Variants in OSBPL5 observed in about 807,000 individuals in gnomAD.
OSBPL5 encodes oxysterol binding protein like 5.
OSBPL5 carries 71 observed loss-of-function variants against 111.2 expected under a neutral mutation model. The observed-to-expected ratio is 0.64, with a 90% confidence interval of 0.53 to 0.78. The LOEUF is 0.78. OSBPL5 is among the 30% of genes least tolerant of loss of function. OSBPL5 has a pLI of 0.00. For synonymous variants in OSBPL5, 549 were observed against 513.9 expected (o/e 1.07, Z -0.93); for missense variants, 1,210 against 1,189.3 (o/e 1.02, Z -0.26).
Position 3,101,639 on chromosome 11 carries a change from T to G in OSBPL5, c.1486A>C (p.Ile496Leu). 1.2e-6 allele frequency: 2 copies of G among 1,613,954 alleles called. No homozygotes were observed. The highest frequency in any genetic ancestry group is 8.5e-7 in the Non-Finnish European group (1 of 1,179,994). ...HVSNRKDGFCISGSITAKSRF... is the reference protein window; with the variant it reads ...HVSNRKDGFCLSGSITAKSRF... ...GACTTGGCTGTGATGCTGCCACTGA[T>G]GCAGAAGCCGTCCTTCCGGTTGCTG... The change falls in exon 13 of 22, where the codon ATC (isoleucine) becomes CTC (leucine). Residue 496 changes from isoleucine (I) to leucine (L), a missense_variant. Coordinates refer to ENST00000263650, the MANE Select transcript of OSBPL5 (RefSeq NM_020896.4).
At chr11:3,135,045 C>G (rs1218945634) in intron 1 of OSBPL5, among the ~76,000 whole-genome samples, 1 of 152,250 alleles carries the variant, frequency 6.6e-6, no homozygotes, top group African/African-American at 2.4e-5. Context: ...CTGCAGGGGG[C>G]TCCTCCTTCT....
chr11:3,103,316 C>T lies in OSBPL5; in HGVS notation c.1249G>A (p.Ala417Thr). ...CGGCTGTAGGCATCCTCCTCCACCG[C>T]AGCCCTGCCATGGGGCAGGAGAACG... ...YYHADLLSRA[A>T]VEEDAYSRMK... The change falls in exon 11 of 22, where the codon GCG becomes ACG. Residue 417 changes from alanine to threonine, a missense_variant. Ala to Thr is a moderately conservative substitution (Grantham distance 58, BLOSUM62 0). Transcript: ENST00000263650. The T allele has an allele frequency of 6.2e-7, 1 of 1,604,684 alleles. No homozygotes were observed. Among genetic ancestry groups the T allele is most frequent in the Non-Finnish European group, 8.5e-7 (1 of 1,175,438 alleles).
rs1846158227 is a variant in OSBPL5 at position 3,142,516 on chromosome 11, C to G, written c.-21-13347G>C. ...GGTCAGATTTCACCCGGATGCTTAGCTCCCCTCCCTTTTTACAGATGAGGA... is the reference window on the plus strand; with the variant it reads ...GGTCAGATTTCACCCGGATGCTTAGGTCCCCTCCCTTTTTACAGATGAGGA... On this transcript the variant is annotated intron_variant, in intron 1 of 21. Transcript: ENST00000263650. The surrounding 1 kb of genome is among the most constrained non-coding windows in gnomAD (Gnocchi z 7.1). 1.3e-5 allele frequency among the ~76,000 whole-genome samples: 2 copies of G among 152,220 alleles called. No homozygotes were observed. The highest frequency in any genetic ancestry group is 1.3e-4 in the Admixed American group (2 of 15,282).
chr11:3,119,926 T>C, intron 6 of OSBPL5: 1 of 467,388 alleles, frequency 2.1e-6, no homozygotes, highest in Non-Finnish European at 3.8e-6. Context: ...GGATGCCCAA[T>C]GATGTTCGAA....
In OSBPL5 at chr11:3,092,367, G is replaced by T; in HGVS notation, c.2259+65C>A. Reference sequence around the variant, plus strand: ...GGAAGGGAGGAGTGAGGTGAGGAGCGAGGGGTGGTGGTGGCCACACGTGCA... The same window carrying T: ...GGAAGGGAGGAGTGAGGTGAGGAGCTAGGGGTGGTGGTGGCCACACGTGCA... On this transcript the variant is annotated intron_variant, in intron 19 of 21. Coordinates refer to ENST00000263650, the MANE Select transcript of OSBPL5 (RefSeq NM_020896.4). The surrounding 1 kb of genome is among the most constrained non-coding windows in gnomAD (Gnocchi z 5.4). The T allele has an allele frequency of 6.7e-7, 1 of 1,495,524 alleles. No homozygotes were observed. Among genetic ancestry groups the T allele is most frequent in the Non-Finnish European group, 8.9e-7 (1 of 1,117,496 alleles). The allele number at this position is 1,495,524 out of a possible 1,614,324, so 92.6% of individuals were successfully genotyped here.
chr11:3,145,080 C>A (rs984933433), intron 1 of OSBPL5, among the ~76,000 whole-genome samples: 4 of 152,230 alleles, frequency 2.6e-5, no homozygotes, highest in Non-Finnish European at 4.4e-5. Flanking sequence ...GGGCACTGCG[C>A]TCCCCTCAGC....
At chr11:3,134,388 G>A (rs867927846) in intron 1 of OSBPL5, among the ~76,000 whole-genome samples, 1 of 152,096 alleles carries the variant, frequency 6.6e-6, no homozygotes, top group South Asian at 2.1e-4. Context: ...CTGGGGGAGC[G>A]CCAGGTTTTG....
intron 1 of OSBPL5, among the ~76,000 whole-genome samples, chr11:3,137,483 G>A (rs1845981930): frequency 6.6e-6 from 1 of 152,238 alleles, no homozygotes; most frequent in Admixed American, 6.5e-5. Flanking sequence ...GCGGGGAGCA[G>A]GGGAGCAGGG....
At position 3,126,436 on chromosome 11, in the gene OSBPL5, C is replaced by T. The variant is rs368456254; in HGVS notation, c.219+37G>A. 54 of 1,539,964 alleles carry T rather than the reference C, an allele frequency of 3.5e-5. No homozygotes were observed. The highest frequency in any genetic ancestry group is 4.7e-5 in the Non-Finnish European group (53 of 1,138,196). On this transcript the variant is annotated intron_variant, in intron 3 of 21. Transcript: ENST00000263650. The surrounding 1 kb of genome is among the most constrained non-coding windows in gnomAD (Gnocchi z 6.5). ...GTTTCCTGCTGTCCCCAGAGCCAGG[C>T]TCTGGCTCATGGATCCTCCTATACC...
In OSBPL5 at chr11:3,088,131, T is replaced by C. The variant is rs1856933852; in HGVS notation, c.*74A>G. 1 of 1,359,878 alleles carries C rather than the reference T, an allele frequency of 7.4e-7. No individual in the cohort carries two copies. Among genetic ancestry groups the C allele is most frequent in the East Asian group, 2.6e-5 (1 of 38,010 alleles). The allele number at this position is 1,359,878 out of a possible 1,614,324, so 84.2% of individuals were successfully genotyped here. ...TGCTTGCCGGGCCTCTCTGCCTCCA[T>C]GGAGCAGGCTTAAAGTGCTGGGTGC... On this transcript the variant is annotated 3_prime_UTR_variant, in exon 22 of 22. Transcript: ENST00000263650.
chr11:3,127,240 G>A (rs541472635), intron 2 of OSBPL5, among the ~76,000 whole-genome samples: 2 of 152,368 alleles, frequency 1.3e-5, no homozygotes, highest in African/African-American at 4.8e-5. Context: ...CCTGTGGCTG[G>A]TGGGCGAGGG....
At chr11:3,124,076 T>C (rs1858515748) in intron 3 of OSBPL5, among the ~76,000 whole-genome samples, 1 of 152,120 alleles carries the variant, frequency 6.6e-6, no homozygotes, top group Non-Finnish European at 1.5e-5. Flanking sequence ...CTGCGTTCTG[T>C]GCATGGATGT....
chr11:3,122,162 C>T, intron 4 of OSBPL5, 64 bp from the exon 5 acceptor site: 3 of 1,487,938 alleles, frequency 2.0e-6, no homozygotes, highest in Non-Finnish European at 2.7e-6. Context: ...GCTCCTCCCA[C>T]CGTCCAGCCC....
chr11:3,093,401 C>T, intron 17 of OSBPL5, 126 bp downstream of exon 17: 3 of 1,416,256 alleles, frequency 2.1e-6, no homozygotes, highest in Non-Finnish European at 2.9e-6. Flanking sequence ...CAGGGGTGCA[C>T]CAGGCCTGCC....
rs977837788 is a variant in OSBPL5, at chr11:3,162,973, C to T, written c.-22+2243G>A. ...TGCAAGTGGTGGGCACTTCTACCCA[C>T]CTGGCCCTTGGACTCCACAAGGGGA... is the stretch of plus-strand genomic sequence containing the variant. On this transcript the variant is annotated intron_variant, in intron 1 of 21. Coordinates refer to ENST00000263650, the MANE Select transcript of OSBPL5 (RefSeq NM_020896.4). This position sits in a 1 kb window ranked among gnomAD's most constrained non-coding sequence, Gnocchi z 8.1. Among the ~76,000 whole-genome samples the T allele has an allele frequency of 6.6e-6, 1 of 152,132 alleles. No homozygotes were observed. Among genetic ancestry groups the T allele is most frequent in the Non-Finnish European group, 1.5e-5 (1 of 68,034 alleles).
intron 11 of OSBPL5, among the ~76,000 whole-genome samples, chr11:3,103,031 C>G (rs1857511441): frequency 6.6e-6 from 1 of 152,146 alleles, no homozygotes; most frequent in Admixed American, 6.5e-5. Flanking sequence ...GGGGACCCGG[C>G]CTGAGCCATC....
intron 17 of OSBPL5, 137 bp from the exon 18 acceptor site, chr11:3,093,189 A>T: frequency 1.1e-6 from 1 of 945,708 alleles, no homozygotes; most frequent in Non-Finnish European, 1.5e-6. Context: ...CAGGGAGCTC[A>T]CTACTTTGAA....
intron 7 of OSBPL5, among the ~76,000 whole-genome samples, chr11:3,118,297 G>C (rs190968847): frequency 6.6e-6 from 1 of 152,328 alleles, no homozygotes; most frequent in Admixed American, 6.5e-5. Flanking sequence ...GATAAATGCA[G>C]ATCTGATTGT....
At chr11:3,149,262 C>T (rs889727477) in intron 1 of OSBPL5, among the ~76,000 whole-genome samples, 13 of 152,210 alleles carry the variant, frequency 8.5e-5, no homozygotes, top group Non-Finnish European at 1.6e-4. Context: ...AGCAGAGGCC[C>T]GGGTCAGGCC....
Sources: gnomAD v4.1 joint callset for allele counts (sites outside exome capture counted in the v4.1 genomes callset) on GRCh38, gnomAD v4.1.1 for gene constraint, Gnocchi (gnomAD v3.1) non-coding constraint, MANE v1.5 for transcripts, NCBI Gene and HGNC (gene_info 2026-07-23, HGNC 2026-07-21) for gene names.